The following SPOCK3 variants were observed in gnomAD, a reference collection of about 807,000 sequenced individuals.
SPOCK3 encodes testican-3.
A neutral mutation model predicts 56.6 loss-of-function variants in SPOCK3; 30 were observed. The ratio of observed to expected loss-of-function variants is 0.53; its 90% confidence interval spans 0.40 to 0.72. SPOCK3 has a LOEUF of 0.72. SPOCK3 is among the 30% of genes least tolerant of loss of function. The pLI, the probability that SPOCK3 is intolerant of heterozygous loss-of-function variation, is 0.00. For synonymous variants in SPOCK3, 196 were observed against 183.3 expected, an observed-to-expected ratio of 1.07 and a Z score of -0.56; for missense variants, 527 against 530.0, an observed-to-expected ratio of 0.99 and a Z score of 0.06.
At chr4:166,884,423 G>A (rs1242297368) in intron 6 of SPOCK3, among the ~76,000 whole-genome samples, 18 of 151,832 alleles carry the variant, frequency 1.2e-4, no homozygotes, top group Non-Finnish European at 1.5e-5. Flanking sequence ...GGATTGTACT[G>A]ATGAGTTGTT....
intron 3 of SPOCK3, among the ~76,000 whole-genome samples, chr4:167,013,509 T>C (rs1385588073): frequency 6.6e-6 from 1 of 150,976 alleles, no homozygotes; most frequent in Non-Finnish European, 1.5e-5. Context: ...AATATTAGTA[T>C]AAATAATATT....
chr4:166,778,676 T>C (rs960964312), intron 7 of SPOCK3, among the ~76,000 whole-genome samples: 3 of 152,154 alleles, frequency 2.0e-5, no homozygotes, highest in African/African-American at 7.2e-5. Flanking sequence ...TTGTTGAATA[T>C]GGTCTTATAG....
At chr4:166,842,663 C>A (rs567945328) in intron 6 of SPOCK3, among the ~76,000 whole-genome samples, 1 of 152,248 alleles carries the variant, frequency 6.6e-6, no homozygotes, top group East Asian at 1.9e-4. Flanking sequence ...CTGATTGGCA[C>A]ATCCACCAAC....
At chr4:167,015,034 C>G (rs1410303437) in intron 3 of SPOCK3, among the ~76,000 whole-genome samples, 2 of 151,732 alleles carry the variant, frequency 1.3e-5, no homozygotes, top group African/African-American at 4.8e-5. Context: ...TTCAGGACAA[C>G]AAAACCATGC....
intron 2 of SPOCK3, among the ~76,000 whole-genome samples, chr4:167,135,680 CGTGTGTGTGTGTGTGT>C (rs57918767): frequency 2.0e-5 from 3 of 147,652 alleles, no homozygotes; most frequent in African/African-American, 7.5e-5. Context: ...CTATATAAAA[CGTGTGTGTGTGTGTGT>C]GTGTGTGTGT....
rs538105501 is a variant in SPOCK3, at chr4:167,102,040, C to T, written c.190-39503G>A. Among the ~76,000 whole-genome samples, 41 of 151,766 alleles carry T rather than the reference C, an allele frequency of 2.7e-4. 2 individuals carry two copies. The highest frequency in any genetic ancestry group is 7.2e-4 in the African/African-American group (30 of 41,380). On this transcript the variant is annotated intron_variant, in intron 2 of 10. Coordinates refer to ENST00000357545, the MANE Select transcript of SPOCK3 (RefSeq NM_001040159.2). ...CTTTTCATTTTTTGTAGCCTAAAAT[C>T]TAAATAAGCAAGAGTGTCATAACTT...
rs767418560 is a variant in SPOCK3 at position 166,785,975 on chromosome 4, G to C, written c.709+6195C>G. On this transcript the variant is annotated intron_variant, in intron 7 of 10. Transcript: ENST00000357545. The stretch of plus-strand genomic sequence containing the variant: ...GCAGGTTCTACAGTGGAAAACTATT[G>C]ACCTTAGAGTGCTTATATTTTATTT... Among the ~76,000 whole-genome samples the C allele has an allele frequency of 2.6e-5, 4 of 152,114 alleles. No homozygotes were observed. The South Asian group carries it at 8.3e-4, about 32-fold the overall frequency.
intron 2 of SPOCK3, among the ~76,000 whole-genome samples, chr4:167,137,058 G>T (rs180979225): frequency 6.6e-6 from 1 of 152,120 alleles, no homozygotes; most frequent in East Asian, 1.9e-4. Context: ...AAATAGCCTT[G>T]CCAAATACTA....
intron 6 of SPOCK3, among the ~76,000 whole-genome samples, chr4:166,857,295 G>T (rs975944534): frequency 6.6e-6 from 1 of 152,132 alleles, no homozygotes; most frequent in South Asian, 2.1e-4. Flanking sequence ...ACCGCCCAAG[G>T]CTCAGACCCC....
chr4:166,856,426 C>A (rs889652438), intron 6 of SPOCK3, among the ~76,000 whole-genome samples: 2 of 152,098 alleles, frequency 1.3e-5, no homozygotes, highest in African/African-American at 4.8e-5. Flanking sequence ...CATTGTACAT[C>A]ATATTTTACC....
intron 6 of SPOCK3, among the ~76,000 whole-genome samples, chr4:166,826,157 A>T (rs1008492866): frequency 6.6e-6 from 1 of 152,124 alleles, no homozygotes; most frequent in Non-Finnish European, 1.5e-5. Context: ...CAGAACAGAG[A>T]TTGTAAACAT....
intron 4 of SPOCK3, among the ~76,000 whole-genome samples, chr4:166,970,703 C>T (rs540153420): frequency 3.0e-4 from 45 of 149,384 alleles, no homozygotes; most frequent in African/African-American, 5.7e-4. Flanking sequence ...CCAGCCTGGG[C>T]GACAGAGCAA....
chr4:166,814,336 G>A (rs1744168155), intron 6 of SPOCK3, among the ~76,000 whole-genome samples: 1 of 152,052 alleles, frequency 6.6e-6, no homozygotes, highest in Non-Finnish European at 1.5e-5. Flanking sequence ...ATGCCTAGAT[G>A]GCTGATAGGT....
chr4:166,871,439 T>A (rs1311119842), intron 6 of SPOCK3, among the ~76,000 whole-genome samples: 1 of 152,106 alleles, frequency 6.6e-6, no homozygotes, highest in Non-Finnish European at 1.5e-5. Flanking sequence ...TATATGCTCA[T>A]AAATTTGATA....
At chr4:166,749,912 A>C (rs1473606352) in intron 8 of SPOCK3, among the ~76,000 whole-genome samples, 1 of 152,166 alleles carries the variant, frequency 6.6e-6, no homozygotes, top group African/African-American at 2.4e-5. Flanking sequence ...TATATTGAAA[A>C]CAGTTCTTCT....
At chr4:166,990,662 C>T (rs911480049) in intron 4 of SPOCK3, among the ~76,000 whole-genome samples, 2 of 151,924 alleles carry the variant, frequency 1.3e-5, no homozygotes, top group African/African-American at 4.8e-5. Flanking sequence ...GGAGGTTTAG[C>T]TCTAATTTAC....
At chr4:166,864,615 A>C (rs1731596161) in intron 6 of SPOCK3, among the ~76,000 whole-genome samples, 1 of 152,188 alleles carries the variant, frequency 6.6e-6, no homozygotes, top group African/African-American at 2.4e-5. Flanking sequence ...CACTGATCCC[A>C]CAGAAATACA....
intron 6 of SPOCK3, among the ~76,000 whole-genome samples, chr4:166,857,278 C>G (rs1242150436): frequency 6.6e-6 from 1 of 152,158 alleles, no homozygotes; most frequent in African/African-American, 2.4e-5. Flanking sequence ...AATGTGGCCA[C>G]CATATCACCG....
chr4:167,050,810 G>A (rs1754129201), intron 3 of SPOCK3, among the ~76,000 whole-genome samples: 1 of 152,110 alleles, frequency 6.6e-6, no homozygotes, highest in Non-Finnish European at 1.5e-5. Flanking sequence ...GACAAAGATT[G>A]TATGATTCCA....
Sources: gnomAD v4.1 joint callset for allele counts (sites outside exome capture counted in the v4.1 genomes callset) on GRCh38, gnomAD v4.1.1 for gene constraint, MANE v1.5 for transcripts, NCBI Gene and HGNC (gene_info 2026-07-23, HGNC 2026-07-21) for gene names.